The following NCAM2 variants were observed in gnomAD, a reference collection of about 807,000 sequenced individuals.
NCAM2 encodes neural cell adhesion molecule 2.
Under a neutral mutation model 98.1 loss-of-function variants are expected in NCAM2, and 30 were observed. The observed-to-expected ratio is 0.31, with a 90% CI of 0.23 to 0.41. The LOEUF is 0.41. Among genes scored for constraint, NCAM2 ranks in the 10% least tolerant of loss-of-function variants. The pLI is 1.00. For missense variants in NCAM2, 867 were observed against 1,005.8 expected, an observed-to-expected ratio of 0.86 and a Z score of 1.87; for synonymous variants, 368 against 342.4, an observed-to-expected ratio of 1.07 and a Z score of -0.83.
chr21:21,014,779 T>G (rs2064275161), intron 1 of NCAM2, among the ~76,000 whole-genome samples: 1 of 152,200 alleles, frequency 6.6e-6, no homozygotes, highest in Non-Finnish European at 1.5e-5. Context: ...TCGGTAATGA[T>G]TCCTCTAATG....
intron 1 of NCAM2, among the ~76,000 whole-genome samples, chr21:21,179,179 A>G (rs1034849866): frequency 6.6e-6 from 1 of 152,130 alleles, no homozygotes; most frequent in African/African-American, 2.4e-5. Flanking sequence ...GATTCATTCT[A>G]ATGAATGAAT....
chr21:21,414,059 A>G (rs1253334793), intron 10 of NCAM2, among the ~76,000 whole-genome samples: 1 of 152,202 alleles, frequency 6.6e-6, no homozygotes, highest in Non-Finnish European at 1.5e-5. Context: ...AACATTTTTC[A>G]GGCATCTTCA....
chr21:21,039,445 A>T (rs4818596), intron 1 of NCAM2, among the ~76,000 whole-genome samples: 3 of 152,222 alleles, frequency 2.0e-5, no homozygotes, highest in African/African-American at 7.2e-5. Context: ...AAGAAAGAAC[A>T]TGAAATGTTC....
chr21:21,484,108 T>C (rs188630366), intron 15 of NCAM2, among the ~76,000 whole-genome samples: 8 of 152,212 alleles, frequency 5.3e-5, no homozygotes, highest in African/African-American at 1.9e-4. Flanking sequence ...TAATTTACAT[T>C]TTCAACTTAT....
intron 9 of NCAM2, among the ~76,000 whole-genome samples, chr21:21,404,809 C>T (rs888942999): frequency 3.3e-5 from 5 of 151,368 alleles, no homozygotes; most frequent in African/African-American, 1.2e-4. Context: ...TGTATATATT[C>T]ACTCATATAT....
intron 10 of NCAM2, among the ~76,000 whole-genome samples, chr21:21,415,527 G>A (rs1358470005): frequency 2.0e-5 from 3 of 151,618 alleles, no homozygotes; most frequent in Admixed American, 6.6e-5. Context: ...AGTAGAGACA[G>A]GGTTTCACCG....
intron 16 of NCAM2, among the ~76,000 whole-genome samples, chr21:21,524,452 C>T (rs1989208290): frequency 1.3e-5 from 2 of 149,562 alleles, no homozygotes; most frequent in Admixed American, 6.7e-5. Flanking sequence ...AATACATGAA[C>T]CCAGGAGGCA....
intron 1 of NCAM2, among the ~76,000 whole-genome samples, chr21:21,078,368 A>C (rs2065723587): frequency 6.6e-6 from 1 of 152,224 alleles, no homozygotes; most frequent in Non-Finnish European, 1.5e-5. Context: ...AGATTGTAAT[A>C]TTCACAAACA....
At position 21,360,845 on chromosome 21, in the gene NCAM2, G is replaced by A. The variant is rs565613017; in HGVS notation, c.1045-13018G>A. On this transcript the variant is annotated intron_variant, in intron 8 of 17. Coordinates refer to ENST00000400546, the MANE Select transcript of NCAM2 (RefSeq NM_004540.5). ...TTAAAATTATGTTCCAGAACATAAC[G>A]TAAATTCTTTCTGCTGCCTAGAACT... 2.6e-5 allele frequency among the ~76,000 whole-genome samples: 4 copies of A among 151,992 alleles called. No individual in the cohort carries two copies. In the South Asian group the frequency reaches 6.2e-4, roughly 24 times the overall value.
intron 8 of NCAM2, among the ~76,000 whole-genome samples, chr21:21,368,855 T>A (rs1211376104): frequency 1.3e-5 from 2 of 151,862 alleles, no homozygotes; most frequent in Non-Finnish European, 2.9e-5. Flanking sequence ...AGTGATCTTT[T>A]TAAATCACAA....
At position 21,155,492 on chromosome 21, in the gene NCAM2, T is replaced by C. The variant is rs185510997; in HGVS notation, c.56-125086T>C. 1.5e-3 allele frequency among the ~76,000 whole-genome samples: 234 copies of C among 151,956 alleles called. 4 individuals carry two copies. Among genetic ancestry groups the C allele is most frequent in the Admixed American group, 0.013 (205 of 15,236 alleles). ...ACTCTGGTTTTGTGTTAGTTACTCATGATTATTCATCACATCACTATGACT... is the reference window on the plus strand; with the variant it reads ...ACTCTGGTTTTGTGTTAGTTACTCACGATTATTCATCACATCACTATGACT... On this transcript the variant is annotated intron_variant, in intron 1 of 17. Transcript: ENST00000400546.
At chr21:21,332,670 T>C (rs2074747711) in intron 6 of NCAM2, among the ~76,000 whole-genome samples, 1 of 152,150 alleles carries the variant, frequency 6.6e-6, no homozygotes, top group Non-Finnish European at 1.5e-5. Flanking sequence ...TCACATTATC[T>C]AACCTGCACC....
At chr21:21,531,189 T>A (rs1482670668) in intron 16 of NCAM2, among the ~76,000 whole-genome samples, 1 of 152,210 alleles carries the variant, frequency 6.6e-6, no homozygotes, top group East Asian at 1.9e-4. Flanking sequence ...TGATTTTGTA[T>A]TACTTGCAAA....
chr21:21,270,351 G>C (rs1452790815), intron 1 of NCAM2, among the ~76,000 whole-genome samples: 1 of 152,136 alleles, frequency 6.6e-6, no homozygotes, highest in Non-Finnish European at 1.5e-5. Flanking sequence ...CAGATTGGTT[G>C]ACTCATGACT....
At chr21:21,499,454 G>T (rs1425671101) in intron 15 of NCAM2, among the ~76,000 whole-genome samples, 1 of 152,060 alleles carries the variant, frequency 6.6e-6, no homozygotes, top group African/African-American at 2.4e-5. Context: ...TGTTAGCCAG[G>T]ATGGTCTCGA....
At chr21:21,527,774 G>T (rs1989407055) in intron 16 of NCAM2, among the ~76,000 whole-genome samples, 1 of 152,108 alleles carries the variant, frequency 6.6e-6, no homozygotes, top group Non-Finnish European at 1.5e-5. Context: ...CAATCACTGT[G>T]GAAGACAATT....
intron 1 of NCAM2, among the ~76,000 whole-genome samples, chr21:21,126,698 T>A (rs977258946): frequency 6.6e-6 from 1 of 152,056 alleles, no homozygotes; most frequent in Non-Finnish European, 1.5e-5. Flanking sequence ...GCTAATCTTA[T>A]GTTTTGTGAA....
chr21:21,054,237 G>A (rs1487222154), intron 1 of NCAM2, among the ~76,000 whole-genome samples: 1 of 151,838 alleles, frequency 6.6e-6, no homozygotes, highest in Non-Finnish European at 1.5e-5. Flanking sequence ...TACATATTAG[G>A]AACCTAGGCG....
chr21:21,266,007 A>C (rs1412249332), intron 1 of NCAM2, among the ~76,000 whole-genome samples: 1 of 152,112 alleles, frequency 6.6e-6, no homozygotes, highest in Non-Finnish European at 1.5e-5. Context: ...TGAGGGTGTT[A>C]TTTTGATTTT....
Sources: gnomAD v4.1 joint callset for allele counts (sites outside exome capture counted in the v4.1 genomes callset) on GRCh38, gnomAD v4.1.1 for gene constraint, MANE v1.5 for transcripts, NCBI Gene and HGNC (gene_info 2026-07-23, HGNC 2026-07-21) for gene names.